TENM4: variants seen among roughly 807,000 people sequenced by gnomAD.
TENM4 encodes teneurin-4.
In TENM4, 82 loss-of-function variants were observed where a neutral mutation model predicts 243.3. That is an observed-to-expected ratio of 0.34 (90% CI 0.28 to 0.40). The LOEUF (loss-of-function observed/expected upper bound fraction) is 0.40, where lower values mean the gene tolerates loss of function less well. Among genes scored for constraint, TENM4 ranks in the 10% least tolerant of loss-of-function variants. The probability of loss-of-function intolerance (pLI) is 1.00; values close to 1 mark genes in which losing one functional copy is unlikely to be tolerated. For synonymous variants in TENM4, 1,412 were observed against 1,456.3 expected (o/e 0.97, Z 0.69); for missense variants, 3,138 against 3,673.3 (o/e 0.85, Z 3.77).
At chr11:79,338,151 A>G (rs1038501024) in intron 1 of TENM4, among the ~76,000 whole-genome samples, 1 of 152,212 alleles carries the variant, frequency 6.6e-6, no homozygotes, top group Admixed American at 6.5e-5. Flanking sequence ...TTGCCCCAGA[A>G]CAGATGCTTA....
rs1859109830 is a variant in TENM4, at chr11:78,701,762, G to A, written c.4851C>T (p.Asp1617=). The A allele has an allele frequency of 6.2e-7, 1 of 1,613,998 alleles. No homozygotes were observed. The highest frequency in any genetic ancestry group is 8.5e-7 in the Non-Finnish European group (1 of 1,179,892). Residue 1617 remains aspartate (D), a synonymous_variant, in exon 28 of 34, where the codon GAC becomes GAT. Coordinates refer to ENST00000278550, the MANE Select transcript of TENM4 (RefSeq NM_001098816.3). ...LYNFTYTGDG[D]ITLITDNNGN... is the part of the protein sequence containing the mutation. ...CATTGTTGTCTGTGATGAGTGTGAT[G>A]TCGCCGTCCCCAGTGTAGGTGAAGT... is the stretch of plus-strand genomic sequence containing the variant.
At chr11:79,159,241 T>A (rs748352984) in intron 3 of TENM4, among the ~76,000 whole-genome samples, 5 of 152,268 alleles carry the variant, frequency 3.3e-5, no homozygotes, top group Middle Eastern at 6.8e-3. Flanking sequence ...TTATATCTTA[T>A]CTTAGTCTAC....
At chr11:79,160,902 A>C (rs1862731901) in intron 3 of TENM4, among the ~76,000 whole-genome samples, 4 of 152,120 alleles carry the variant, frequency 2.6e-5, no homozygotes, top group Admixed American at 2.6e-4. Context: ...TGACTGTCTA[A>C]GTTTGGGCCA....
At chr11:78,774,835 C>T (rs1218358487) in intron 17 of TENM4, among the ~76,000 whole-genome samples, 1 of 152,180 alleles carries the variant, frequency 6.6e-6, no homozygotes, top group Non-Finnish European at 1.5e-5. Flanking sequence ...ATAAACTTTA[C>T]TCAGTACCTG....
At position 78,819,047 on chromosome 11, in the gene TENM4, C is replaced by T. The variant is rs533031246; in HGVS notation, c.1682-4652G>A. Among the ~76,000 whole-genome samples, 49 of 151,866 alleles carry T rather than the reference C, an allele frequency of 3.2e-4. No individual in the cohort carries two copies. The East Asian group carries it at 8.9e-3, about 28-fold the overall frequency. ...ATGCAGAGTTTAAGTGTTTCCTTAG[C>T]TCATTCTCTGGACATGTGTTGTGAG... On this transcript the variant is annotated intron_variant, in intron 12 of 33. Transcript: ENST00000278550.
At chr11:78,928,739 A>G (rs1380235100) in intron 6 of TENM4, among the ~76,000 whole-genome samples, 1 of 152,260 alleles carries the variant, frequency 6.6e-6, no homozygotes, top group Non-Finnish European at 1.5e-5. Flanking sequence ...AACAAAATAT[A>G]AGGGACTACC....
intron 19 of TENM4, among the ~76,000 whole-genome samples, chr11:78,745,799 A>G (rs1275970470): frequency 6.6e-6 from 1 of 152,212 alleles, no homozygotes; most frequent in Non-Finnish European, 1.5e-5. Flanking sequence ...TTTTTTGTAT[A>G]CAAAATAAAC....
intron 19 of TENM4, chr11:78,749,452 C>A (rs926752930): frequency 1.3e-5 from 2 of 151,410 alleles, no homozygotes; most frequent in Non-Finnish European, 2.9e-5. Context: ...TGCTCAGAGG[C>A]CAGCTGTCAG....
At chr11:79,124,844 T>C (rs1000483936) in intron 4 of TENM4, among the ~76,000 whole-genome samples, 12 of 146,384 alleles carry the variant, frequency 8.2e-5, no homozygotes, top group African/African-American at 3.0e-4. Flanking sequence ...TGTATATATA[T>C]ACACATATGT....
chr11:79,327,924 G>C (rs940240592), intron 1 of TENM4, among the ~76,000 whole-genome samples: 3 of 152,150 alleles, frequency 2.0e-5, no homozygotes, highest in Admixed American at 6.5e-5. Flanking sequence ...GCACAATTTA[G>C]GGAATAGATG....
intron 1 of TENM4, among the ~76,000 whole-genome samples, chr11:79,394,811 A>G (rs574290895): frequency 5.3e-5 from 8 of 152,318 alleles, no homozygotes; most frequent in African/African-American, 1.7e-4. Flanking sequence ...CAGAGTGGGG[A>G]AACCACCCTG....
At chr11:79,423,535 A>ATTTTTTTT (rs67697266) in intron 1 of TENM4, among the ~76,000 whole-genome samples, 3 of 114,128 alleles carry the variant, frequency 2.6e-5, no homozygotes, top group African/African-American at 3.3e-5. Context: ...TTACAAGTGC[A>ATTTTTTTT]TTTTTTTTTT....
At chr11:79,251,742 A>G (rs1855614606) in intron 2 of TENM4, among the ~76,000 whole-genome samples, 1 of 152,194 alleles carries the variant, frequency 6.6e-6, no homozygotes, top group African/African-American at 2.4e-5. Flanking sequence ...AGGAATAAAA[A>G]TCATGTTAAA....
At chr11:78,915,275 C>T (rs989025870) in intron 6 of TENM4, among the ~76,000 whole-genome samples, 1 of 152,206 alleles carries the variant, frequency 6.6e-6, no homozygotes, top group African/African-American at 2.4e-5. Context: ...ACCACTCTCA[C>T]TCCTAGTTTG....
chr11:79,410,817 C>A (rs1858683579), intron 1 of TENM4, among the ~76,000 whole-genome samples: 1 of 152,130 alleles, frequency 6.6e-6, no homozygotes, highest in African/African-American at 2.4e-5. Flanking sequence ...TTCTTGCTTG[C>A]CCGTTTCTTT....
chr11:78,999,098 A>G (rs1244176510), intron 6 of TENM4, among the ~76,000 whole-genome samples: 1 of 152,238 alleles, frequency 6.6e-6, no homozygotes, highest in African/African-American at 2.4e-5. Context: ...TTGGTTGATC[A>G]CTAAGCTATG....
rs945424067 is a variant in TENM4, at chr11:79,316,351, G to A, written c.-320-18808C>T. Among the ~76,000 whole-genome samples, 4 of 152,158 alleles carry A rather than the reference G, an allele frequency of 2.6e-5. No individual in the cohort carries two copies. In the East Asian group the frequency reaches 5.8e-4, roughly 22 times the overall value. ...AGGCTGGTTTCGACATCTTTTACCA[G>A]TTACTACAAAAGAAACAACAGCCAA... On this transcript the variant is annotated intron_variant, in intron 1 of 33. Transcript: ENST00000278550.
chr11:78,700,385 A>G (rs1299755594), intron 28 of TENM4, among the ~76,000 whole-genome samples: 1 of 152,142 alleles, frequency 6.6e-6, no homozygotes, highest in Non-Finnish European at 1.5e-5. Flanking sequence ...AATGGATAAT[A>G]TCACCCATCC....
intron 28 of TENM4, among the ~76,000 whole-genome samples, chr11:78,700,832 G>A (rs1859084283): frequency 6.6e-6 from 1 of 152,138 alleles, no homozygotes; most frequent in Non-Finnish European, 1.5e-5. Flanking sequence ...GCCTAATAAA[G>A]TAATGGTTTA....
Sources: gnomAD v4.1 joint callset for allele counts (sites outside exome capture counted in the v4.1 genomes callset) on GRCh38, gnomAD v4.1.1 for gene constraint, MANE v1.5 for transcripts, NCBI Gene and HGNC (gene_info 2026-07-23, HGNC 2026-07-21) for gene names.